NELL1: variants seen among roughly 807,000 people sequenced by gnomAD.
The protein encoded by NELL1 is protein kinase C-binding protein NELL1.
In NELL1, 76 loss-of-function variants were observed where a neutral mutation model predicts 107.4. That is an observed-to-expected ratio of 0.71 (90% CI 0.59 to 0.86). The LOEUF is 0.86. Among genes scored for constraint, NELL1 ranks in the 40% least tolerant of loss-of-function variants. The probability of loss-of-function intolerance (pLI) is 0.00; values close to 1 mark genes in which losing one functional copy is unlikely to be tolerated. For synonymous variants in NELL1, 353 were observed against 341.2 expected, an observed-to-expected ratio of 1.03 and a Z score of -0.38; for missense variants, 1,024 against 1,005.5, an observed-to-expected ratio of 1.02 and a Z score of -0.25.
chr11:21,505,393 T>TG (rs151144125), intron 15 of NELL1, among the ~76,000 whole-genome samples: 3,851 of 152,214 alleles, frequency 0.025, 66 homozygotes, highest in South Asian at 0.052. Context: ...TTACTGCTTC[T>TG]GAAAAAAAAC....
At chr11:21,325,201 C>G (rs188266200) in intron 14 of NELL1, among the ~76,000 whole-genome samples, 1 of 152,032 alleles carries the variant, frequency 6.6e-6, no homozygotes, top group African/African-American at 2.4e-5. Context: ...CTACTTTAAT[C>G]TCTCTTATAT....
At chr11:21,136,938 G>A (rs75416290) in intron 13 of NELL1, among the ~76,000 whole-genome samples, 1 of 152,198 alleles carries the variant, frequency 6.6e-6, no homozygotes, top group Admixed American at 6.5e-5. Flanking sequence ...GAGAAGGTGA[G>A]TTGGCTAGGC....
At chr11:20,982,904 C>T (rs532844645) in intron 12 of NELL1, among the ~76,000 whole-genome samples, 1 of 152,302 alleles carries the variant, frequency 6.6e-6, no homozygotes, top group East Asian at 1.9e-4. Flanking sequence ...TGTGGAAAAC[C>T]TCCAACAAAT....
At chr11:21,276,045 G>A (rs1848849339) in intron 14 of NELL1, among the ~76,000 whole-genome samples, 1 of 152,088 alleles carries the variant, frequency 6.6e-6, no homozygotes, top group Admixed American at 6.5e-5. Flanking sequence ...TGGAAGTTCT[G>A]GCCAGGGCAA....
intron 5 of NELL1, among the ~76,000 whole-genome samples, chr11:20,913,170 C>A (rs761322767): frequency 2.0e-5 from 3 of 152,112 alleles, no homozygotes; most frequent in Non-Finnish European, 4.4e-5. Flanking sequence ...AAGCTTGAGT[C>A]CCTGCCAGTT....
At chr11:21,313,905 G>T (rs1213005020) in intron 14 of NELL1, among the ~76,000 whole-genome samples, 1 of 150,026 alleles carries the variant, frequency 6.7e-6, no homozygotes, top group Non-Finnish European at 1.5e-5. Flanking sequence ...CTTGTGAACA[G>T]TTTAGCACCA....
chr11:21,147,075 A>G (rs574501258), intron 13 of NELL1, among the ~76,000 whole-genome samples: 4 of 152,266 alleles, frequency 2.6e-5, no homozygotes, highest in African/African-American at 7.2e-5. Flanking sequence ...TTCTCACATC[A>G]TGGCACTGAG....
intron 14 of NELL1, among the ~76,000 whole-genome samples, chr11:21,337,816 C>CTTG (rs1223671844): frequency 2.9e-5 from 1 of 34,332 alleles, no homozygotes; most frequent in Non-Finnish European, 6.0e-5. Flanking sequence ...TTCTTGCTTT[C>CTTG]CTTCTTTCTT....
intron 12 of NELL1, among the ~76,000 whole-genome samples, chr11:20,977,890 T>A (rs1423279358): frequency 1.3e-5 from 2 of 152,188 alleles, no homozygotes; most frequent in East Asian, 3.9e-4. Context: ...GCTATTATAC[T>A]CCAGTAAAAT....
At chr11:20,980,931 G>A (rs1471047433) in intron 12 of NELL1, among the ~76,000 whole-genome samples, 1 of 152,210 alleles carries the variant, frequency 6.6e-6, no homozygotes, top group Non-Finnish European at 1.5e-5. Context: ...GTGAGTCAGT[G>A]AGCAATACCT....
intron 14 of NELL1, among the ~76,000 whole-genome samples, chr11:21,346,249 G>A (rs2133711684): frequency 6.6e-6 from 1 of 152,234 alleles, no homozygotes; most frequent in East Asian, 1.9e-4. Flanking sequence ...CTAACAAGAA[G>A]AAGAAAAGAT....
At chr11:20,771,057 T>C (rs373387812) in intron 2 of NELL1, among the ~76,000 whole-genome samples, 3 of 150,930 alleles carry the variant, frequency 2.0e-5, no homozygotes. Context: ...GAGAAGAAAT[T>C]ACATATTTGA....
Position 21,188,095 on chromosome 11 carries a change from A to G in NELL1, c.1427-41237A>G, listed in dbSNP as rs147434159. Among the ~76,000 whole-genome samples the G allele has an allele frequency of 3.9e-4, 59 of 151,978 alleles. No homozygotes were observed. In the East Asian group the frequency reaches 9.8e-3, roughly 25 times the overall value. On this transcript the variant is annotated intron_variant, in intron 13 of 19. Coordinates refer to ENST00000357134, the MANE Select transcript of NELL1 (RefSeq NM_006157.5). ...CTTTTAGAACTGATTTGGGTTCTGG[A>G]CTATAAAAAAAGAATTGCATCATCC...
intron 14 of NELL1, among the ~76,000 whole-genome samples, chr11:21,334,753 G>A (rs577792847): frequency 2.6e-5 from 4 of 152,032 alleles, no homozygotes; most frequent in South Asian, 4.1e-4. Context: ...CGACTGTGTC[G>A]TTGAGTAACT....
chr11:20,907,763 A>G (rs1850034844), intron 5 of NELL1, among the ~76,000 whole-genome samples: 2 of 152,210 alleles, frequency 1.3e-5, no homozygotes, highest in African/African-American at 4.8e-5. Context: ...CTATCATCAG[A>G]GTGAACAGGC....
At chr11:21,538,084 T>C (rs1436043664) in intron 16 of NELL1, among the ~76,000 whole-genome samples, 8 of 152,128 alleles carry the variant, frequency 5.3e-5, no homozygotes, top group Non-Finnish European at 7.4e-5. Context: ...TGCTTACATT[T>C]AAAAGAAATA....
intron 15 of NELL1, among the ~76,000 whole-genome samples, chr11:21,408,033 G>T (rs1040614400): frequency 1.3e-5 from 2 of 151,754 alleles, no homozygotes; most frequent in African/African-American, 2.4e-5. Flanking sequence ...ATGGAGATTT[G>T]TCAGTTGCAC....
chr11:21,254,960 A>G (rs1029283610), intron 14 of NELL1, among the ~76,000 whole-genome samples: 1 of 152,074 alleles, frequency 6.6e-6, no homozygotes, highest in Non-Finnish European at 1.5e-5. Context: ...TTTGTGTGAC[A>G]TGAGAGGGAG....
chr11:21,184,467 G>A (rs915124875), intron 13 of NELL1, among the ~76,000 whole-genome samples: 6 of 151,514 alleles, frequency 4.0e-5, no homozygotes, highest in East Asian at 3.9e-4. Flanking sequence ...ATGGGGTTTC[G>A]CAATGTTGGC....
Sources: allele counts gnomAD v4.1 joint callset (sites outside exome capture counted in the v4.1 genomes callset), GRCh38; gene constraint gnomAD v4.1.1; transcripts MANE v1.5; gene names NCBI Gene and HGNC (gene_info 2026-07-23, HGNC 2026-07-21).